Variants in ZZZ3 observed in about 807,000 individuals in gnomAD.
The protein encoded by ZZZ3 is zinc finger ZZ-type containing 3.
A neutral mutation model predicts 95.2 loss-of-function variants in ZZZ3; 22 were observed. The observed-to-expected ratio is 0.23, with a 90% confidence interval of 0.17 to 0.33. The LOEUF (loss-of-function observed/expected upper bound fraction) is 0.33, where lower values mean the gene tolerates loss of function less well. Among genes scored for constraint, ZZZ3 ranks in the 10% least tolerant of loss-of-function variants. The pLI, the probability that ZZZ3 is intolerant of heterozygous loss-of-function variation, is 1.00. For missense variants in ZZZ3, 885 were observed against 1,066.5 expected (o/e 0.83, Z 2.37); for synonymous variants, 335 against 358.9 (o/e 0.93, Z 0.75).
At chr1:77,680,203 C>T (rs1328990067) in intron 1 of ZZZ3, among the ~76,000 whole-genome samples, 2 of 152,192 alleles carry the variant, frequency 1.3e-5, no homozygotes, top group Non-Finnish European at 2.9e-5. Flanking sequence ...AAGCTGCTGA[C>T]TTTTATGACA....
At chr1:77,637,466 C>G (rs952373096) in intron 4 of ZZZ3, among the ~76,000 whole-genome samples, 6 of 152,060 alleles carry the variant, frequency 3.9e-5, no homozygotes, top group African/African-American at 1.2e-4. Context: ...AAGGTACACA[C>G]TTTCTATAAT....
chr1:77,630,990 AGTCT>A (rs1426210642), intron 5 of ZZZ3, among the ~76,000 whole-genome samples: 1 of 152,206 alleles, frequency 6.6e-6, no homozygotes, highest in Non-Finnish European at 1.5e-5. Flanking sequence ...TTATTACATA[AGTCT>A]GTCTTTTATT....
chr1:77,682,712 G>A (rs959322352), upstream of ZZZ3: 12 of 152,188 alleles, frequency 7.9e-5, no homozygotes, highest in Non-Finnish European at 1.5e-4. Flanking sequence ...CGCATCTCGC[G>A]AGCTTCCACT....
chr1:77,665,884 T>TA (rs1034074779), intron 1 of ZZZ3, among the ~76,000 whole-genome samples: 3 of 151,488 alleles, frequency 2.0e-5, no homozygotes, highest in Non-Finnish European at 4.4e-5. Context: ...TCCACTAAGA[T>TA]AAAAAAATCA....
At chr1:77,635,799 G>A (rs987172894) in intron 4 of ZZZ3, among the ~76,000 whole-genome samples, 2 of 152,048 alleles carry the variant, frequency 1.3e-5, no homozygotes, top group African/African-American at 4.8e-5. Flanking sequence ...CCAGCTACTC[G>A]GGAGGCTGAG....
intron 5 of ZZZ3, among the ~76,000 whole-genome samples, chr1:77,624,015 A>G (rs1667116946): frequency 6.6e-6 from 1 of 152,210 alleles, no homozygotes; most frequent in African/African-American, 2.4e-5. Flanking sequence ...ACAACACAAA[A>G]AATAGCATAT....
intron 1 of ZZZ3, among the ~76,000 whole-genome samples, chr1:77,676,462 C>T (rs1469580505): frequency 6.6e-6 from 1 of 152,206 alleles, no homozygotes; most frequent in African/African-American, 2.4e-5. Flanking sequence ...GCCACTGTGG[C>T]CAGCATAGTA....
At chr1:77,577,475 T>C (rs952738353) in intron 11 of ZZZ3, among the ~76,000 whole-genome samples, 3 of 152,176 alleles carry the variant, frequency 2.0e-5, no homozygotes, top group Non-Finnish European at 4.4e-5. Flanking sequence ...CCAAAATATT[T>C]AAAACAATTG....
At chr1:77,612,394 A>G (rs1156737206) in intron 5 of ZZZ3, among the ~76,000 whole-genome samples, 1 of 152,002 alleles carries the variant, frequency 6.6e-6, no homozygotes, top group Non-Finnish European at 1.5e-5. Context: ...GTTCCTAAAG[A>G]CATTTTTAAA....
chr1:77,595,997 G>A (rs1664179303), intron 5 of ZZZ3, among the ~76,000 whole-genome samples: 1 of 152,070 alleles, frequency 6.6e-6, no homozygotes, highest in African/African-American at 2.4e-5. Flanking sequence ...TCACTGGGTA[G>A]AATTTCTGGG....
Position 77,632,570 on chromosome 1 carries a change from A to T in ZZZ3, c.785T>A (p.Ile262Lys), listed in dbSNP as rs754167944. 8.7e-6 allele frequency: 14 copies of T among 1,614,176 alleles called. No individual in the cohort carries two copies. In the Admixed American group the frequency reaches 2.3e-4, roughly 27 times the overall value. Residue 262 changes from isoleucine to lysine, a missense_variant, in exon 5 of 15, where the codon ATA becomes AAA. By Grantham distance (102) the Ile-to-Lys change is moderately radical. Around this residue, in one of 5 missense-constraint regions of ZZZ3, gnomAD observed 556 missense variants for 652.9 expected, o/e 0.85. Coordinates refer to ENST00000370801, the MANE Select transcript of ZZZ3 (RefSeq NM_015534.6). ...ATCTGTGCAAGGCACCTTATGGTCTATATAACTGTCCTCCTTCCTACTATC... is the reference window on the plus strand; with the variant it reads ...ATCTGTGCAAGGCACCTTATGGTCTTTATAACTGTCCTCCTTCCTACTATC... ...FLDSRKEDSY[I>K]DHKVPCTDSQ...
chr1:77,587,169 G>GT (rs2100588642), intron 5 of ZZZ3, among the ~76,000 whole-genome samples: 1 of 151,316 alleles, frequency 6.6e-6, no homozygotes, highest in Admixed American at 6.6e-5. Flanking sequence ...GAGGATGGGT[G>GT]TATGAGGGTC....
intron 10 of ZZZ3, 62 bp from the exon 11 acceptor site, chr1:77,578,931 T>G (rs919628887): frequency 1.4e-4 from 139 of 965,820 alleles, no homozygotes; most frequent in Non-Finnish European, 2.0e-4. Context: ...GAGTCGTTTT[T>G]AAAAATTAAA....
chr1:77,675,064 T>C (rs1557785645), intron 1 of ZZZ3, among the ~76,000 whole-genome samples: 2 of 151,704 alleles, frequency 1.3e-5, no homozygotes, highest in Non-Finnish European at 2.9e-5. Context: ...AGAGTTAATA[T>C]AGAGAAGTAT....
At chr1:77,647,324 G>GAACAT (rs1669374666) in intron 1 of ZZZ3, among the ~76,000 whole-genome samples, 1 of 152,122 alleles carries the variant, frequency 6.6e-6, no homozygotes, top group African/African-American at 2.4e-5. Context: ...TTCAAAACCG[G>GAACAT]CCTAGCCAAC....
intron 1 of ZZZ3, among the ~76,000 whole-genome samples, chr1:77,657,981 C>A (rs1460082645): frequency 6.6e-6 from 1 of 151,890 alleles, no homozygotes; most frequent in African/African-American, 2.4e-5. Flanking sequence ...GAGTTTGAGA[C>A]CAGTCTGGCC....
intron 5 of ZZZ3, among the ~76,000 whole-genome samples, chr1:77,591,810 A>C (rs1663724777): frequency 6.6e-6 from 1 of 152,248 alleles, no homozygotes; most frequent in South Asian, 2.1e-4. Flanking sequence ...CAAAGAAAAA[A>C]ACAGGTACTT....
At chr1:77,667,763 C>CT (rs34939314) in intron 1 of ZZZ3, among the ~76,000 whole-genome samples, 1,674 of 115,058 alleles carry the variant, frequency 0.015, 54 homozygotes, top group East Asian at 0.14. Context: ...AATGGGTATT[C>CT]TTTTTTTTTT....
intron 5 of ZZZ3, among the ~76,000 whole-genome samples, chr1:77,624,606 G>T (rs1667175564): frequency 6.6e-6 from 1 of 152,074 alleles, no homozygotes; most frequent in African/African-American, 2.4e-5. Context: ...TCCAGACCTT[G>T]CCGTACATAC....
Sources: allele counts gnomAD v4.1 joint callset (sites outside exome capture counted in the v4.1 genomes callset), GRCh38; gene constraint gnomAD v4.1.1; regional missense constraint gnomAD v4.1.1; transcripts MANE v1.5; gene names NCBI Gene and HGNC (gene_info 2026-07-23, HGNC 2026-07-21).